Variants in ADAM22 observed in about 807,000 individuals in gnomAD.
ADAM22 encodes disintegrin and metalloproteinase domain-containing protein 22.
A neutral mutation model predicts 144.6 loss-of-function variants in ADAM22; 65 were observed. The ratio of observed to expected loss-of-function variants is 0.45; its 90% confidence interval spans 0.37 to 0.55. ADAM22 has a LOEUF of 0.55. ADAM22 is among the 20% of genes least tolerant of loss of function. The pLI, the probability that ADAM22 is intolerant of heterozygous loss-of-function variation, is 0.00. For synonymous variants in ADAM22, 391 were observed against 412.6 expected (o/e 0.95, Z 0.63); for missense variants, 974 against 1,184.9 (o/e 0.82, Z 2.61).
intron 10 of ADAM22, 74 bp from the exon 11 acceptor site, chr7:88,131,195 T>A: frequency 7.7e-7 from 1 of 1,301,264 alleles, no homozygotes; most frequent in Non-Finnish European, 1.1e-6. Context: ...TGAAAGGAGT[T>A]TTGTAGTCCT....
At chr7:88,088,996 G>T (rs773671108) in intron 4 of ADAM22, among the ~76,000 whole-genome samples, 2 of 151,446 alleles carry the variant, frequency 1.3e-5, no homozygotes, top group Non-Finnish European at 2.9e-5. Context: ...TTCTGTTATG[G>T]GACATAGATT....
intron 2 of ADAM22, among the ~76,000 whole-genome samples, chr7:87,939,719 AT>A (rs1842089841): frequency 6.6e-6 from 1 of 152,194 alleles, no homozygotes; most frequent in Admixed American, 6.5e-5. Context: ...CTATTTAGAT[AT>A]TTTATGACAT....
At chr7:88,082,770 A>T (rs1585552398) in intron 4 of ADAM22, among the ~76,000 whole-genome samples, 1 of 152,148 alleles carries the variant, frequency 6.6e-6, no homozygotes, top group East Asian at 1.9e-4. Context: ...GAGAAATGCA[A>T]ATCAAAACCA....
At chr7:87,958,366 G>T (rs1204367644) in intron 2 of ADAM22, among the ~76,000 whole-genome samples, 1 of 151,718 alleles carries the variant, frequency 6.6e-6, no homozygotes, top group Non-Finnish European at 1.5e-5. Flanking sequence ...AGACTTTAAA[G>T]TTTTTTTAAA....
intron 2 of ADAM22, among the ~76,000 whole-genome samples, chr7:87,947,441 G>C (rs1224353619): frequency 6.6e-6 from 1 of 151,946 alleles, no homozygotes; most frequent in Non-Finnish European, 1.5e-5. Context: ...ATTCTGGCTA[G>C]GTAAGTTACT....
intron 3 of ADAM22, among the ~76,000 whole-genome samples, chr7:88,006,419 G>A (rs1300479653): frequency 2.6e-5 from 4 of 152,010 alleles, no homozygotes; most frequent in Non-Finnish European, 5.9e-5. Context: ...GCATCATCCT[G>A]ATACCAAAGC....
In ADAM22 at chr7:88,200,713, G is replaced by A. The variant is rs1429120971; in HGVS notation, c.*4222G>A. Reference sequence around the variant, plus strand: ...TCATTCTTGCTCTACAGTTTAAGATGTATAAGAAGTAAACACTTCCGTGGA... The same window carrying A: ...TCATTCTTGCTCTACAGTTTAAGATATATAAGAAGTAAACACTTCCGTGGA... On this transcript the variant is annotated 3_prime_UTR_variant, in exon 32 of 32. Transcript: ENST00000413139. The A allele has an allele frequency of 2.0e-5, 3 of 152,168 alleles. No homozygotes were observed. The highest frequency in any genetic ancestry group is 4.4e-5 in the Non-Finnish European group (3 of 68,038). The allele number at this position is 152,168 out of a possible 1,614,324, so 9.4% of individuals were successfully genotyped here.
intron 4 of ADAM22, among the ~76,000 whole-genome samples, chr7:88,087,323 A>G (rs1200743188): frequency 6.6e-6 from 1 of 152,208 alleles, no homozygotes; most frequent in Non-Finnish European, 1.5e-5. Flanking sequence ...ATGGTGATCT[A>G]CATCAAGACC....
At chr7:87,955,199 A>T (rs1225743973) in intron 2 of ADAM22, among the ~76,000 whole-genome samples, 2 of 152,178 alleles carry the variant, frequency 1.3e-5, no homozygotes, top group Non-Finnish European at 2.9e-5. Context: ...CCTTTGGAGG[A>T]GGAGAGGCAC....
intron 10 of ADAM22, 105 bp from the exon 11 acceptor site, chr7:88,131,164 T>C: frequency 1.0e-6 from 1 of 954,184 alleles, no homozygotes; most frequent in African/African-American, 1.7e-5. Context: ...TCCCTTTAAC[T>C]AAAACTCAAA....
intron 2 of ADAM22, among the ~76,000 whole-genome samples, chr7:87,939,942 C>A (rs1040708345): frequency 1.2e-4 from 18 of 152,048 alleles, no homozygotes; most frequent in African/African-American, 4.3e-4. Flanking sequence ...ACCTGTAATC[C>A]CAGCACTTTG....
At chr7:88,146,706 G>A (rs558370202) in intron 17 of ADAM22, among the ~76,000 whole-genome samples, 31 of 152,272 alleles carry the variant, frequency 2.0e-4, no homozygotes, top group African/African-American at 7.5e-4. Context: ...TTACAGTTAA[G>A]CAAACTCAGT....
At chr7:88,159,438 G>A (rs1375968496) in intron 22 of ADAM22, among the ~76,000 whole-genome samples, 3 of 151,924 alleles carry the variant, frequency 2.0e-5, no homozygotes, top group African/African-American at 7.3e-5. Context: ...CAAAAACATG[G>A]CAGAGACTCT....
chr7:87,977,489 T>A (rs770781263), intron 2 of ADAM22, among the ~76,000 whole-genome samples: 5 of 152,214 alleles, frequency 3.3e-5, no homozygotes, highest in Non-Finnish European at 5.9e-5. Context: ...ATTTTAGAGG[T>A]TTGGATACTG....
At chr7:88,042,706 A>G (rs1368908848) in intron 3 of ADAM22, among the ~76,000 whole-genome samples, 1 of 151,838 alleles carries the variant, frequency 6.6e-6, no homozygotes, top group Non-Finnish European at 1.5e-5. Context: ...CTCCAATTCA[A>G]GTCTTTCCTG....
At chr7:88,043,259 G>T (rs1310353896) in intron 3 of ADAM22, among the ~76,000 whole-genome samples, 2 of 151,916 alleles carry the variant, frequency 1.3e-5, no homozygotes, top group Non-Finnish European at 1.5e-5. Context: ...GCCGAGATGG[G>T]CAGATCATGA....
At chr7:87,999,739 G>C (rs1189961008) in intron 3 of ADAM22, among the ~76,000 whole-genome samples, 3 of 152,016 alleles carry the variant, frequency 2.0e-5, no homozygotes, top group African/African-American at 7.2e-5. Context: ...ATTATTTCAG[G>C]ATCTTTTAAA....
At position 88,134,447 on chromosome 7, in the gene ADAM22, T is replaced by C; in HGVS notation, c.1168+28T>C. ...AAGTTTTAGTACATGTGTGGTTAGT[T>C]GTATTTAAAATAGACTATTTGTGAA... On this transcript the variant is annotated intron_variant, in intron 13 of 31. Coordinates refer to ENST00000413139, the MANE Select transcript of ADAM22 (RefSeq NM_001324418.2). 4 of 1,518,042 alleles carry C rather than the reference T, an allele frequency of 2.6e-6. No homozygotes were observed. The South Asian group carries it at 4.8e-5, about 18-fold the overall frequency. 94.0% of individuals were successfully genotyped at this position (1,518,042 alleles called of 1,614,324 possible). A position where few individuals can be genotyped will look rare whatever the true frequency, so the allele number is the denominator to read the frequency against.
intron 6 of ADAM22, among the ~76,000 whole-genome samples, chr7:88,116,463 T>C (rs1827792302): frequency 6.6e-6 from 1 of 152,204 alleles, no homozygotes; most frequent in Non-Finnish European, 1.5e-5. Flanking sequence ...TTTTGCCAAA[T>C]GTCTTATTTG....
Sources: gnomAD v4.1 joint callset for allele counts (sites outside exome capture counted in the v4.1 genomes callset) on GRCh38, gnomAD v4.1.1 for gene constraint, MANE v1.5 for transcripts, NCBI Gene and HGNC (gene_info 2026-07-23, HGNC 2026-07-21) for gene names.